PHLDB3: variants seen among roughly 807,000 people sequenced by gnomAD.
PHLDB3 encodes the protein pleckstrin homology like domain family B member 3, also known as pleckstrin homology-like domain family B member 3.
Under a neutral mutation model 85.7 loss-of-function variants are expected in PHLDB3, and 86 were observed. That is an observed-to-expected ratio of 1.00 (90% CI 0.84 to 1.20). PHLDB3 has a LOEUF of 1.20. Ranked by LOEUF, PHLDB3 falls within the 50% of genes most tolerant of loss-of-function variation. The pLI is 0.00. For missense variants in PHLDB3, 995 were observed against 873.0 expected (o/e 1.14, Z -1.76); for synonymous variants, 376 against 349.8 (o/e 1.07, Z -0.83).
Position 43,501,745 on chromosome 19 carries a change from G to A in PHLDB3, c.523C>T (p.Gln175Ter). 6.3e-7 allele frequency: 1 copy of A among 1,583,394 alleles called. No homozygotes were observed. Among genetic ancestry groups the A allele is most frequent in the Non-Finnish European group, 8.5e-7 (1 of 1,170,536 alleles). Residue 175 changes from glutamine to a stop codon, truncating the protein, a stop_gained, in exon 4 of 16, where the codon CAG becomes TAG. Coordinates refer to ENST00000292140, the MANE Select transcript of PHLDB3 (RefSeq NM_198850.4). LOFTEE classifies it high-confidence loss of function. ...TGAGCCAAACAGACCTGTTCCCGCT[G>A]CTGGCGGCCGCGCTGCTCCGAGGCC... ...QAASEQRGRQ[Q>*]REQEQRRLSQ...
At position 43,477,716 on chromosome 19, in the gene PHLDB3, G is replaced by A. The variant is rs1970956423; in HGVS notation, c.1788+331C>T. ...CCAGCTACTCAGGAGGCTGAGGCAG[G>A]AGAATTGCTTGAACCAGGGAGGCGG... On this transcript the variant is annotated intron_variant, in intron 15 of 15. Transcript: ENST00000292140. Among the ~76,000 whole-genome samples, 3 of 149,480 alleles carry A rather than the reference G, an allele frequency of 2.0e-5. No individual in the cohort carries two copies. The South Asian group carries it at 6.2e-4, about 31-fold the overall frequency.
chr19:43,482,941 T>C (rs1057479944), intron 13 of PHLDB3, among the ~76,000 whole-genome samples: 2 of 152,192 alleles, frequency 1.3e-5, no homozygotes, highest in Non-Finnish European at 2.9e-5. Flanking sequence ...GCCTCTGACA[T>C]GCTATTTATT....
In PHLDB3 at chr19:43,497,174, G is replaced by T. The variant is rs755275039; in HGVS notation, c.769C>A (p.Pro257Thr). 1 of 1,562,604 alleles carries T rather than the reference G, an allele frequency of 6.4e-7. No individual in the cohort carries two copies. The highest frequency in any genetic ancestry group is 8.6e-7 in the Non-Finnish European group (1 of 1,156,626). Reference protein sequence around the residue: ...QEEEDRDSPGPQVPDPKVQEL... With the variant: ...QEEEDRDSPGTQVPDPKVQEL... The stretch of plus-strand genomic sequence containing the variant: ...TGGACCTTGGGGTCTGGCACCTGGG[G>T]CCCAGGGCTGTCCCGATCCTCCTCC... Residue 257 changes from proline (P) to threonine (T), a missense_variant, in exon 6 of 16, where the codon CCC (proline) becomes ACC (threonine). Coordinates refer to ENST00000292140, the MANE Select transcript of PHLDB3 (RefSeq NM_198850.4).
intron 6 of PHLDB3, chr19:43,496,157 AGGCATGC>A (rs2145937002): frequency 6.5e-6 from 1 of 153,354 alleles, no homozygotes; most frequent in African/African-American, 2.4e-5. Flanking sequence ...CTGGGATTAC[AGGCATGC>A]GTCACCACCC....
chr19:43,495,401 C>T, intron 7 of PHLDB3, 62 bp from the exon 8 acceptor site: 2 of 1,599,644 alleles, frequency 1.3e-6, no homozygotes, highest in Non-Finnish European at 8.5e-7. Context: ...GCTGCTTTCC[C>T]TAATGTCAGG....
At chr19:43,489,749 G>A (rs952468737) in intron 9 of PHLDB3, among the ~76,000 whole-genome samples, 1 of 152,028 alleles carries the variant, frequency 6.6e-6, no homozygotes, top group African/African-American at 2.4e-5. Flanking sequence ...GCTCATGCCT[G>A]TAATCCCAGC....
chr19:43,489,369 G>GT (rs57304377), intron 9 of PHLDB3, among the ~76,000 whole-genome samples: 12,153 of 140,254 alleles, frequency 0.087, 760 homozygotes, highest in East Asian at 0.31. Context: ...ATCTCTTAAA[G>GT]TTTTTTTTTT....
At chr19:43,478,819 G>A (rs1388071222) in intron 14 of PHLDB3, among the ~76,000 whole-genome samples, 1 of 152,186 alleles carries the variant, frequency 6.6e-6, no homozygotes, top group Non-Finnish European at 1.5e-5. Flanking sequence ...GGAGGCTGAG[G>A]CAGGAGAATC....
intron 13 of PHLDB3, among the ~76,000 whole-genome samples, chr19:43,485,794 C>T (rs1007091852): frequency 6.6e-6 from 1 of 152,020 alleles, no homozygotes; most frequent in African/African-American, 2.4e-5. Context: ...GGTGATCCAC[C>T]CGCCTTGGCC....
Position 43,475,327 on chromosome 19 carries a change from G to C in PHLDB3, c.*83C>G. ...CAAAGCGGTGCGTCCAAGTTTTCCG[G>C]CAGTGGGCGGGGCCTAGGAACGCCC... On this transcript the variant is annotated 3_prime_UTR_variant, in exon 16 of 16. Transcript: ENST00000292140. 6.5e-7 allele frequency: 1 copy of C among 1,528,174 alleles called. No individual in the cohort carries two copies. Among genetic ancestry groups the C allele is most frequent in the Non-Finnish European group, 8.8e-7 (1 of 1,130,836 alleles). The allele number at this position is 1,528,174 out of a possible 1,614,324, so 94.7% of individuals were successfully genotyped here. A position where few individuals can be genotyped will look rare whatever the true frequency, so the allele number is the denominator to read the frequency against.
intron 14 of PHLDB3, 60 bp downstream of exon 14, chr19:43,479,317 A>G: frequency 6.6e-7 from 1 of 1,508,240 alleles, no homozygotes; most frequent in Non-Finnish European, 9.0e-7. Context: ...CCTGTAGAGG[A>G]AAGGCCTCCG....
intron 9 of PHLDB3, among the ~76,000 whole-genome samples, chr19:43,489,728 C>A (rs1197642526): frequency 1.3e-5 from 2 of 151,908 alleles, no homozygotes; most frequent in African/African-American, 4.8e-5. Flanking sequence ...CTGGTGGGGC[C>A]AGGAACAGTG....
chr19:43,477,147 G>A (rs938666862), intron 15 of PHLDB3, among the ~76,000 whole-genome samples: 1 of 152,172 alleles, frequency 6.6e-6, no homozygotes, highest in Non-Finnish European at 1.5e-5. Context: ...GACCCTTGCT[G>A]TGACCTCTCC....
rs951083344 is a variant in PHLDB3, at chr19:43,485,831, G to T, written c.1485+435C>A. 4.9e-5 allele frequency: 20 copies of T among 410,880 alleles called. 1 individual carries two copies. The Admixed American group carries it at 1.1e-3, about 22-fold the overall frequency. 25.5% of individuals were successfully genotyped at this position (410,880 alleles called of 1,614,324 possible). A position where few individuals can be genotyped will look rare whatever the true frequency, so the allele number is the denominator to read the frequency against. The stretch of plus-strand genomic sequence containing the variant: ...CCCAAAGTGCTGGGATTACAGGCAT[G>T]AGCCACTGCACCCAGCCAAAAACAA... On this transcript the variant is annotated intron_variant, in intron 13 of 15. Transcript: ENST00000292140.
In PHLDB3 at chr19:43,504,078, G is replaced by A. The variant is rs1484166258; in HGVS notation, c.41C>T (p.Pro14Leu). Reference sequence around the variant, plus strand: ...CTCCACGTCGCATTCCGGGACCAGCGGCGGCGGGGTCCCCTCCTCGGGGCT... The same window carrying A: ...CTCCACGTCGCATTCCGGGACCAGCAGCGGCGGGGTCCCCTCCTCGGGGCT... ...RSSPEEGTPP[P>L]LVPECDVEVQ... The change falls in exon 2 of 16, where the codon CCG becomes CTG. Residue 14 changes from proline (P) to leucine (L), a missense_variant. Pro to Leu is a moderately conservative substitution (Grantham distance 98). Transcript: ENST00000292140. 3.1e-6 allele frequency: 5 copies of A among 1,612,034 alleles called. No homozygotes were observed. In the East Asian group the frequency reaches 8.9e-5, roughly 29 times the overall value.
At chr19:43,495,387 C>G in intron 7 of PHLDB3, 48 bp from the exon 8 acceptor site, 1 of 1,602,428 alleles carries the variant, frequency 6.2e-7, no homozygotes, top group Non-Finnish European at 8.5e-7. Flanking sequence ...AATGGGCTGT[C>G]CCAGCTGCTT....
chr19:43,503,280 G>GTCTCTCTCTCTCTCTCTCTC (rs57901463), intron 2 of PHLDB3, among the ~76,000 whole-genome samples: 5 of 141,890 alleles, frequency 3.5e-5, no homozygotes, highest in South Asian at 2.3e-4. Context: ...TGTCTATCTG[G>GTCTCTCTCTCTCTCTCTCTC]TCTCTCTCTC....
intron 9 of PHLDB3, among the ~76,000 whole-genome samples, chr19:43,489,474 A>C (rs1971264006): frequency 6.6e-6 from 1 of 151,980 alleles, no homozygotes; most frequent in Non-Finnish European, 1.5e-5. Context: ...TCAACACAGA[A>C]TATCTCTGGG....
chr19:43,502,284 C>G lies in PHLDB3; in HGVS notation c.214-1G>C, dbSNP rs750786863. On this transcript the variant is annotated splice_acceptor_variant, in intron 2 of 15. Transcript: ENST00000292140. LOFTEE classifies it high-confidence loss of function. ...TAGCTATCGGAGGCGTAGCCTCGGGCTGAAGTTGAGGGGGGCGTGGTTAAG... is the reference window on the plus strand; with the variant it reads ...TAGCTATCGGAGGCGTAGCCTCGGGGTGAAGTTGAGGGGGGCGTGGTTAAG... 80 of 1,553,034 alleles carry G rather than the reference C, an allele frequency of 5.2e-5. No homozygotes were observed. The highest frequency in any genetic ancestry group is 6.6e-5 in the Non-Finnish European group (76 of 1,154,042).
Sources: gnomAD v4.1 joint callset for allele counts (sites outside exome capture counted in the v4.1 genomes callset) on GRCh38, gnomAD v4.1.1 for gene constraint, MANE v1.5 for transcripts, NCBI Gene and HGNC (gene_info 2026-07-23, HGNC 2026-07-21) for gene names.